LSS: variants seen among roughly 807,000 people sequenced by gnomAD.
The protein encoded by LSS is 2,3-epoxysqualene-lanosterol cyclase.
In LSS, 90 loss-of-function variants were observed where a neutral mutation model predicts 110.3. The ratio of observed to expected loss-of-function variants is 0.82; its 90% CI spans 0.69 to 0.97. The LOEUF is 0.97. Ranked by LOEUF, LSS falls within the 50% of genes least tolerant of loss-of-function variation. LSS has a pLI of 0.00. For synonymous variants in LSS, 433 were observed against 400.0 expected (o/e 1.08, Z -0.98); for missense variants, 927 against 990.0 (o/e 0.94, Z 0.85).
In LSS at chr21:46,219,589, T is replaced by C; in HGVS notation, c.551-17A>G. 2 of 1,495,894 alleles carry C rather than the reference T, an allele frequency of 1.3e-6. No individual in the cohort carries two copies. The highest frequency in any genetic ancestry group is 1.4e-5 in the African/African-American group (1 of 71,776). The allele number at this position is 1,495,894 out of a possible 1,614,324, so 92.7% of individuals were successfully genotyped here. The stretch of plus-strand genomic sequence containing the variant: ...CAGCACCACCTGAGCGGGGAGAGAA[T>C]AGGCCCACGTCATCTGCTTCCTGTC... On this transcript the variant is annotated splice_polypyrimidine_tract_variant and intron_variant, in intron 5 of 21. Transcript: ENST00000397728.
chr21:46,199,359 A>G (rs936089744), intron 17 of LSS, among the ~76,000 whole-genome samples: 1 of 152,220 alleles, frequency 6.6e-6, no homozygotes, highest in Admixed American at 6.5e-5. Flanking sequence ...AACCCAAAAC[A>G]CAACAGCAAA....
chr21:46,224,436 C>T (rs1334340380), intron 3 of LSS, among the ~76,000 whole-genome samples: 1 of 152,170 alleles, frequency 6.6e-6, no homozygotes, highest in Non-Finnish European at 1.5e-5. Context: ...TATTTCTACA[C>T]TCTCTCATCG....
intron 20 of LSS, chr21:46,193,837 G>A: frequency 2.6e-6 from 1 of 384,628 alleles, no homozygotes; most frequent in South Asian, 1.9e-5. Flanking sequence ...GTACACAGGT[G>A]CCTGTGCATG....
intron 20 of LSS, chr21:46,192,824 G>A (rs779768471): frequency 1.3e-5 from 6 of 445,192 alleles, no homozygotes; most frequent in South Asian, 6.2e-5. Context: ...CTCCATGTAC[G>A]TATGTCTGTG....
At chr21:46,226,504 G>A (rs2123767325) in intron 3 of LSS, among the ~76,000 whole-genome samples, 1 of 152,380 alleles carries the variant, frequency 6.6e-6, no homozygotes, top group Non-Finnish European at 1.5e-5. Context: ...TACAGTCCAG[G>A]TGGCAGCAGG....
intron 6 of LSS, among the ~76,000 whole-genome samples, chr21:46,218,048 T>C (rs1163817507): frequency 6.6e-6 from 1 of 152,022 alleles, no homozygotes; most frequent in East Asian, 1.9e-4. Flanking sequence ...ACACTGCTGC[T>C]GTCCTTTCTT....
chr21:46,213,367 C>T (rs1410057731), intron 10 of LSS, among the ~76,000 whole-genome samples: 1 of 152,226 alleles, frequency 6.6e-6, no homozygotes, highest in Admixed American at 6.5e-5. Flanking sequence ...GCCTGTACAG[C>T]GGAAGCTTCC....
chr21:46,190,583 C>A lies in LSS; in HGVS notation c.*521G>T, dbSNP rs879341107. On this transcript the variant is annotated 3_prime_UTR_variant, in exon 22 of 22. Transcript: ENST00000397728. The surrounding 1 kb of genome is among the most constrained non-coding windows in gnomAD (Gnocchi z 4.6). Reference sequence around the variant, plus strand: ...CGGCCTCAGGATGCTCCATGAGCAACCCCCGCACTGGGCTATTCACGGATG... The same window carrying A: ...CGGCCTCAGGATGCTCCATGAGCAAACCCCGCACTGGGCTATTCACGGATG... The A allele has an allele frequency of 6.2e-5, 10 of 160,214 alleles. No individual in the cohort carries two copies. The highest frequency in any genetic ancestry group is 2.9e-4 in the Admixed American group (5 of 17,136). 9.9% of individuals were successfully genotyped at this position (160,214 alleles called of 1,614,324 possible). A position where few individuals can be genotyped will look rare whatever the true frequency, so the allele number is the denominator to read the frequency against.
At chr21:46,215,323 T>C in intron 8 of LSS, 25 bp from the exon 9 acceptor site, 1 of 1,493,016 alleles carries the variant, frequency 6.7e-7, no homozygotes, top group Non-Finnish European at 9.2e-7. Flanking sequence ...GGTCAGTGGA[T>C]GCCAGACACC....
At chr21:46,198,852 A>AAAAAC (rs2079944351) in intron 17 of LSS, among the ~76,000 whole-genome samples, 1 of 145,254 alleles carries the variant, frequency 6.9e-6, no homozygotes, top group Non-Finnish European at 1.5e-5. Context: ...AAAAAAAAAA[A>AAAAAC]TCTAGACACA....
At chr21:46,215,434 C>T (rs2123742271) in intron 8 of LSS, 136 bp from the exon 9 acceptor site, 1 of 497,290 alleles carries the variant, frequency 2.0e-6, no homozygotes, top group East Asian at 4.4e-5. Context: ...GGTCTCTGAG[C>T]TCCTCCTTCC....
At chr21:46,192,043 C>G (rs1432160380) in intron 20 of LSS, 84 bp from the exon 21 acceptor site, 8 of 1,047,412 alleles carry the variant, frequency 7.6e-6, no homozygotes, top group Non-Finnish European at 1.0e-5. Flanking sequence ...AGCATAAGGG[C>G]AAACCCTGGA....
At chr21:46,213,663 C>T in intron 10 of LSS, 75 bp downstream of exon 10, 2 of 1,364,106 alleles carry the variant, frequency 1.5e-6, no homozygotes, top group African/African-American at 2.9e-5. Flanking sequence ...GTGGGGGCCC[C>T]CTCACTGGGA....
chr21:46,202,254 C>T (rs1253694731), intron 17 of LSS, among the ~76,000 whole-genome samples: 48 of 144,040 alleles, frequency 3.3e-4, no homozygotes, highest in Admixed American at 9.6e-4. Context: ...ATTAGCCGGG[C>T]GTAGTGGCGG....
rs370032368 is a variant in LSS at position 46,213,013 on chromosome 21, C to T, written c.1137+12G>A. On this transcript the variant is annotated intron_variant, in intron 11 of 21. Coordinates refer to ENST00000397728, the MANE Select transcript of LSS (RefSeq NM_002340.6). ...CAAAGGAAGCATGCAGCCGCAGTCC[C>T]GCAGCCCTTACCTGCATTTTCATGC... is the stretch of plus-strand genomic sequence containing the variant. 4.3e-6 allele frequency: 7 copies of T among 1,613,978 alleles called. No homozygotes were observed. The highest frequency in any genetic ancestry group is 2.2e-5 in the South Asian group (2 of 91,070).
intron 20 of LSS, chr21:46,192,838 G>A (rs2079843330): frequency 2.2e-6 from 1 of 449,862 alleles, no homozygotes; most frequent in Non-Finnish European, 4.4e-6. Context: ...GTCTGTGTGT[G>A]GCACAGATGG....
At chr21:46,194,855 C>T (rs1163037559) in intron 19 of LSS, among the ~76,000 whole-genome samples, 194 bp from the exon 20 acceptor site, 1 of 152,252 alleles carries the variant, frequency 6.6e-6, no homozygotes, top group Non-Finnish European at 1.5e-5. Context: ...ATACTCCTGC[C>T]TCCCAGAGTC....
intron 3 of LSS, among the ~76,000 whole-genome samples, chr21:46,224,382 G>A (rs1054296806): frequency 2.0e-5 from 3 of 152,080 alleles, no homozygotes; most frequent in Non-Finnish European, 2.9e-5. Flanking sequence ...GGTGGCAGTG[G>A]TCCCCCGGGC....
intron 17 of LSS, among the ~76,000 whole-genome samples, chr21:46,204,803 G>A (rs1434105328): frequency 6.6e-6 from 1 of 151,976 alleles, no homozygotes; most frequent in Non-Finnish European, 1.5e-5. Flanking sequence ...TTTTCCAACT[G>A]CTTTTCTAAG....
Sources: gnomAD v4.1 joint callset for allele counts (sites outside exome capture counted in the v4.1 genomes callset) on GRCh38, gnomAD v4.1.1 for gene constraint, Gnocchi (gnomAD v3.1) non-coding constraint, MANE v1.5 for transcripts, NCBI Gene and HGNC (gene_info 2026-07-23, HGNC 2026-07-21) for gene names.